The following MAF variants were observed in gnomAD, a reference collection of about 807,000 sequenced individuals.
MAF encodes transcription factor Maf.
MAF carries 10 observed loss-of-function variants against 22.0 expected under a neutral mutation model. The observed-to-expected ratio is 0.45, with a 90% CI of 0.28 to 0.77. The LOEUF is 0.77. Ranked by LOEUF, MAF falls within the 30% of genes least tolerant of loss-of-function variation. The pLI, the probability that MAF is intolerant of heterozygous loss-of-function variation, is 0.12. For missense variants in MAF, 544 were observed against 548.4 expected (o/e 0.99, Z 0.08); for synonymous variants, 337 against 255.8 (o/e 1.32, Z -3.03).
chr16:79,519,973 G>C, the MAF span, among the ~76,000 whole-genome samples: 1 of 152,232 alleles, frequency 6.6e-6, no homozygotes, highest in Non-Finnish European at 1.5e-5. Context: ...AGGGAACTCT[G>C]TCTGTGCAGG....
the MAF span, among the ~76,000 whole-genome samples, chr16:79,347,187 G>A: frequency 6.6e-6 from 1 of 152,362 alleles, no homozygotes; most frequent in Non-Finnish European, 1.5e-5. Context: ...CCATGAGAAA[G>A]AAGGATTCTT....
At chr16:79,468,602 T>C in the MAF span, among the ~76,000 whole-genome samples, 6 of 152,284 alleles carry the variant, frequency 3.9e-5, no homozygotes, top group Admixed American at 3.3e-4. Flanking sequence ...GGCCTTAACC[T>C]GCTCAGCCCC....
chr16:79,230,192 T>A, the MAF span, among the ~76,000 whole-genome samples: 1 of 152,120 alleles, frequency 6.6e-6, no homozygotes, highest in African/African-American at 2.4e-5. Context: ...TGGAGTTGAA[T>A]TGCACAGAAC....
the MAF span, among the ~76,000 whole-genome samples, chr16:79,271,001 A>C: frequency 6.6e-6 from 1 of 151,646 alleles, no homozygotes; most frequent in Non-Finnish European, 1.5e-5. Flanking sequence ...CCTGGGTTCA[A>C]GTGATTCTCC....
chr16:79,222,750 C>G, the MAF span, among the ~76,000 whole-genome samples: 1 of 152,036 alleles, frequency 6.6e-6, no homozygotes, highest in Non-Finnish European at 1.5e-5. Context: ...ACAGTTTAAA[C>G]CAACAAGATC....
intron 1 of MAF, chr16:79,598,435 G>C: frequency 2.4e-6 from 3 of 1,255,898 alleles, no homozygotes; most frequent in South Asian, 1.6e-5. Flanking sequence ...GTGCAAGTCC[G>C]GGGGTGGGGC....
At chr16:79,509,235 G>C in the MAF span, among the ~76,000 whole-genome samples, 2 of 152,170 alleles carry the variant, frequency 1.3e-5, no homozygotes, top group African/African-American at 4.8e-5. Flanking sequence ...ATAAAAATAG[G>C]ACTTCTCTTT....
At chr16:79,583,932 C>A (rs188658539), downstream of MAF, among the ~76,000 whole-genome samples, 1 of 152,174 alleles carries the variant, frequency 6.6e-6, no homozygotes, top group African/African-American at 2.4e-5. Context: ...AGTCTTGGCG[C>A]AGCATGCATG....
chr16:79,553,301 T>A, the MAF span, among the ~76,000 whole-genome samples: 2 of 152,222 alleles, frequency 1.3e-5, no homozygotes, highest in Non-Finnish European at 2.9e-5. Context: ...GAAATCTGCA[T>A]TCACAGCAGT....
the MAF span, among the ~76,000 whole-genome samples, chr16:79,476,395 G>A: frequency 6.6e-6 from 1 of 152,206 alleles, no homozygotes; most frequent in Non-Finnish European, 1.5e-5. Flanking sequence ...CACAGCAATA[G>A]GCAACTGATA....
At chr16:79,594,616 G>A (rs941943165) in intron 1 of MAF, 63 bp from the exon 2 acceptor site, 78 of 1,541,314 alleles carry the variant, frequency 5.1e-5, no homozygotes, top group Non-Finnish European at 6.7e-5. Context: ...AGCGTAAAGG[G>A]GAAAGCTAGA....
chr16:79,228,355 C>A, the MAF span, among the ~76,000 whole-genome samples: 140 of 152,166 alleles, frequency 9.2e-4, no homozygotes, highest in African/African-American at 3.4e-3. Context: ...TAAATGAGGG[C>A]AAGGTGGGTC....
At chr16:79,514,488 C>G in the MAF span, among the ~76,000 whole-genome samples, 1 of 152,140 alleles carries the variant, frequency 6.6e-6, no homozygotes, top group Non-Finnish European at 1.5e-5. Flanking sequence ...AATTCCTTGT[C>G]AGTTGAGAAT....
At chr16:79,362,768 G>C in the MAF span, among the ~76,000 whole-genome samples, 1 of 152,174 alleles carries the variant, frequency 6.6e-6, no homozygotes, top group Non-Finnish European at 1.5e-5. Context: ...AGCAGTATGG[G>C]TGTGGTTTCC....
At chr16:79,252,701 G>T in the MAF span, among the ~76,000 whole-genome samples, 4 of 152,204 alleles carry the variant, frequency 2.6e-5, no homozygotes, top group East Asian at 7.7e-4. Flanking sequence ...TGTTGGCCAG[G>T]CTGGCCTTGA....
At chr16:79,329,637 T>A in the MAF span, among the ~76,000 whole-genome samples, 1 of 152,136 alleles carries the variant, frequency 6.6e-6, no homozygotes, top group Non-Finnish European at 1.5e-5. Context: ...TCTTCCCCCA[T>A]CTGAATAACC....
the MAF span, among the ~76,000 whole-genome samples, chr16:79,430,283 T>C: frequency 6.6e-6 from 1 of 152,232 alleles, no homozygotes; most frequent in East Asian, 1.9e-4. Flanking sequence ...GCCTGCTCCG[T>C]TTGGAAAGCC....
chr16:79,212,380 T>C, the MAF span: 1 of 496,124 alleles, frequency 2.0e-6, no homozygotes, highest in Non-Finnish European at 3.5e-6. Flanking sequence ...TACGCAGAAC[T>C]ACCAGGTGGC....
the MAF span, among the ~76,000 whole-genome samples, chr16:79,375,471 G>T: frequency 7.2e-5 from 11 of 152,122 alleles, no homozygotes; most frequent in Non-Finnish European, 1.3e-4. Flanking sequence ...AGGGCATGGT[G>T]GTGATGAAGA....
Sources: allele counts gnomAD v4.1 joint callset (sites outside exome capture counted in the v4.1 genomes callset), GRCh38; gene constraint gnomAD v4.1.1; transcripts MANE v1.5; gene names NCBI Gene and HGNC (gene_info 2026-07-23, HGNC 2026-07-21).